Variants in ZSWIM6 observed in about 807,000 individuals in gnomAD.
The protein encoded by ZSWIM6 is zinc finger SWIM-type containing 6.
ZSWIM6 carries 9 observed loss-of-function variants against 113.2 expected under a neutral mutation model. The ratio of observed to expected loss-of-function variants is 0.08; its 90% CI spans 0.05 to 0.14. The LOEUF (loss-of-function observed/expected upper bound fraction) is 0.14. ZSWIM6 is among the 10% of genes least tolerant of loss of function. The pLI, the probability that ZSWIM6 is intolerant of heterozygous loss-of-function variation, is 1.00. For synonymous variants in ZSWIM6, 611 were observed against 606.5 expected, an observed-to-expected ratio of 1.01 and a Z score of -0.11; for missense variants, 1,162 against 1,552.2, an observed-to-expected ratio of 0.75 and a Z score of 4.22.
At chr5:61,343,431 A>G (rs1173170399) in intron 1 of ZSWIM6, among the ~76,000 whole-genome samples, 1 of 152,256 alleles carries the variant, frequency 6.6e-6, no homozygotes, top group South Asian at 2.1e-4. Context: ...ACCATGTAGA[A>G]TAAGTCCACA....
At chr5:61,444,668 G>A (rs1305879263) in intron 1 of ZSWIM6, among the ~76,000 whole-genome samples, 1 of 152,166 alleles carries the variant, frequency 6.6e-6, no homozygotes, top group Non-Finnish European at 1.5e-5. Flanking sequence ...CTAGATGTTG[G>A]CCTTGCATCA....
rs1378914437 is a variant in ZSWIM6, at chr5:61,404,011, T to TG, written c.677-68670_677-68669insG. 4.5e-5 allele frequency among the ~76,000 whole-genome samples: 5 copies of TG among 110,708 alleles called. No homozygotes were observed. The East Asian group carries it at 9.8e-4, about 22-fold the overall frequency. The allele number at this position is 110,708 out of a possible 152,430, so 72.6% of individuals were successfully genotyped here. On this transcript the variant is annotated intron_variant, in intron 1 of 13. Coordinates refer to ENST00000252744, the MANE Select transcript of ZSWIM6 (RefSeq NM_020928.2). ...ATCTTGGGAGGTTTAAAAAAGTAAT[T>TG]TTTTTTTTTTTTTTGAGACGGAGTC...
At chr5:61,440,819 T>G (rs1195547234) in intron 1 of ZSWIM6, among the ~76,000 whole-genome samples, 1 of 152,156 alleles carries the variant, frequency 6.6e-6, no homozygotes, top group African/African-American at 2.4e-5. Context: ...TGCCTGGTCC[T>G]GGTAGGTACT....
intron 4 of ZSWIM6, among the ~76,000 whole-genome samples, chr5:61,494,859 T>C (rs1206807258): frequency 6.6e-6 from 1 of 152,162 alleles, no homozygotes; most frequent in Admixed American, 6.6e-5. Context: ...AAATGAACTG[T>C]CGATCCTCAG....
intron 9 of ZSWIM6, among the ~76,000 whole-genome samples, chr5:61,534,441 C>T (rs1561282668): frequency 6.6e-6 from 1 of 152,276 alleles, no homozygotes; most frequent in East Asian, 1.9e-4. Context: ...ACCATTTCTT[C>T]TGAACTGCAT....
chr5:61,372,298 CAT>C (rs1745283999), intron 1 of ZSWIM6, among the ~76,000 whole-genome samples: 3 of 147,416 alleles, frequency 2.0e-5, no homozygotes, highest in Middle Eastern at 3.4e-3. Context: ...TTTTTTTTTT[CAT>C]ATCCAAATTT....
intron 1 of ZSWIM6, among the ~76,000 whole-genome samples, chr5:61,398,836 G>C (rs1267200105): frequency 6.6e-6 from 1 of 150,804 alleles, no homozygotes; most frequent in Admixed American, 6.6e-5. Flanking sequence ...TTTTTAGTGA[G>C]AGAAGGAAGG....
rs113887925 is a variant in ZSWIM6 at position 61,366,678 on chromosome 5, AT to A, written c.676+33731del. Among the ~76,000 whole-genome samples the A allele has an allele frequency of 4.7e-4, 71 of 152,306 alleles. 2 individuals are homozygous for A. Among genetic ancestry groups the A allele is most frequent in the African/African-American group, 1.7e-3 (70 of 41,570 alleles). On this transcript the variant is annotated intron_variant, in intron 1 of 13. Coordinates refer to ENST00000252744, the MANE Select transcript of ZSWIM6 (RefSeq NM_020928.2). Reference sequence around the variant, plus strand: ...CTGGGTGTGGTGGCTCATGCCTGTAATCTCAGCACTTTGGAGGCTGAGGCGG... The same window carrying A: ...CTGGGTGTGGTGGCTCATGCCTGTAACTCAGCACTTTGGAGGCTGAGGCGG...
chr5:61,405,723 G>C (rs1239316835), intron 1 of ZSWIM6, among the ~76,000 whole-genome samples: 1 of 152,186 alleles, frequency 6.6e-6, no homozygotes, highest in Non-Finnish European at 1.5e-5. Context: ...TAGAGACAGA[G>C]TGTCAAGAGC....
chr5:61,367,315 G>A (rs756679831), intron 1 of ZSWIM6, among the ~76,000 whole-genome samples: 1 of 151,972 alleles, frequency 6.6e-6, no homozygotes, highest in Non-Finnish European at 1.5e-5. Flanking sequence ...AGGTACAGTG[G>A]TGCAGTTATA....
At chr5:61,499,319 G>A (rs1748399752) in intron 4 of ZSWIM6, among the ~76,000 whole-genome samples, 2 of 152,130 alleles carry the variant, frequency 1.3e-5, no homozygotes. Flanking sequence ...AACACTGTCA[G>A]TGCTGTGTTG....
At position 61,345,020 on chromosome 5, in the gene ZSWIM6, G is replaced by A. The variant is rs374410357; in HGVS notation, c.676+12072G>A. 1.6e-4 allele frequency among the ~76,000 whole-genome samples: 24 copies of A among 152,222 alleles called. No individual in the cohort carries two copies. The East Asian group carries it at 4.2e-3, about 27-fold the overall frequency. On this transcript the variant is annotated intron_variant, in intron 1 of 13. Coordinates refer to ENST00000252744, the MANE Select transcript of ZSWIM6 (RefSeq NM_020928.2). ...GAAAGATTTAAGAATTGTCTTGTCA[G>A]GTCAGACGTGTAATCCAGCTCAATA...
At chr5:61,492,473 GTTATT>G (rs1748206665) in intron 3 of ZSWIM6, among the ~76,000 whole-genome samples, 1 of 152,158 alleles carries the variant, frequency 6.6e-6, no homozygotes, top group African/African-American at 2.4e-5. Flanking sequence ...CATTGGGTGA[GTTATT>G]TTACTTCTCT....
At chr5:61,478,652 G>A (rs1231441370) in intron 2 of ZSWIM6, among the ~76,000 whole-genome samples, 2 of 151,578 alleles carry the variant, frequency 1.3e-5, no homozygotes, top group Non-Finnish European at 1.5e-5. Context: ...ATTTTTCCCT[G>A]TATATACACT....
intron 1 of ZSWIM6, among the ~76,000 whole-genome samples, chr5:61,446,434 G>A (rs1746954661): frequency 6.6e-6 from 1 of 152,130 alleles, no homozygotes; most frequent in Admixed American, 6.6e-5. Flanking sequence ...TAAATACATT[G>A]GGCATTTTCA....
intron 1 of ZSWIM6, among the ~76,000 whole-genome samples, chr5:61,423,881 C>CG (rs1561231662): frequency 1.3e-5 from 2 of 152,156 alleles, no homozygotes; most frequent in African/African-American, 4.8e-5. Context: ...TACTGGCTGA[C>CG]GACATTTTAT....
At chr5:61,453,450 A>G (rs1747130503) in intron 1 of ZSWIM6, among the ~76,000 whole-genome samples, 1 of 147,234 alleles carries the variant, frequency 6.8e-6, no homozygotes, top group African/African-American at 2.5e-5. Flanking sequence ...ATCTTGGCTC[A>G]CTGCAGCCTG....
rs529450002 is a variant in ZSWIM6, at chr5:61,471,739, G to A, written c.677-942G>A. ...CCTGATGATCTGAGGTGGAACAGTA[G>A]AACAGTTTCATCCTGAAACCATTCC... is the stretch of plus-strand genomic sequence containing the variant. On this transcript the variant is annotated intron_variant, in intron 1 of 13. Coordinates refer to ENST00000252744, the MANE Select transcript of ZSWIM6 (RefSeq NM_020928.2). 6.4e-4 allele frequency among the ~76,000 whole-genome samples: 98 copies of A among 152,260 alleles called. No homozygotes were observed. In the Middle Eastern group the frequency reaches 0.01, roughly 16 times the overall value.
intron 9 of ZSWIM6, among the ~76,000 whole-genome samples, chr5:61,532,337 C>A (rs751500408): frequency 2.6e-5 from 4 of 152,148 alleles, no homozygotes; most frequent in African/African-American, 4.8e-5. Context: ...TTTTAAAGGG[C>A]CTAACAAATT....
Sources: gnomAD v4.1 joint callset for allele counts (sites outside exome capture counted in the v4.1 genomes callset) on GRCh38, gnomAD v4.1.1 for gene constraint, MANE v1.5 for transcripts, NCBI Gene and HGNC (gene_info 2026-07-23, HGNC 2026-07-21) for gene names.